Variants in SPMIP2 observed in about 807,000 individuals in gnomAD.
SPMIP2 encodes the protein sperm microtubule inner protein 2.
chr4:158,991,858 TTTTTTAA>T, the SPMIP2 span, among the ~76,000 whole-genome samples: 1 of 152,216 alleles, frequency 6.6e-6, no homozygotes, highest in Non-Finnish European at 1.5e-5. Context: ...AAGCCAGTTT[TTTTTTAA>T]TTTTATTTTA....
the SPMIP2 span, among the ~76,000 whole-genome samples, chr4:158,954,445 T>A: frequency 1.1e-4 from 16 of 152,194 alleles, no homozygotes; most frequent in African/African-American, 3.9e-4. Flanking sequence ...CAGCCTCAAG[T>A]ATGTCTTTAT....
the SPMIP2 span, among the ~76,000 whole-genome samples, chr4:158,986,686 A>C: frequency 1.3e-5 from 2 of 152,200 alleles, no homozygotes; most frequent in Non-Finnish European, 2.9e-5. Flanking sequence ...CCCTAGAAGA[A>C]AACCTAGGCA....
the SPMIP2 span, among the ~76,000 whole-genome samples, chr4:158,921,047 G>A: frequency 3.3e-5 from 5 of 152,180 alleles, no homozygotes; most frequent in African/African-American, 1.2e-4. Context: ...GACACTTATG[G>A]AAAAATAGAA....
the SPMIP2 span, among the ~76,000 whole-genome samples, chr4:159,014,812 G>A: frequency 6.6e-6 from 1 of 150,788 alleles, no homozygotes; most frequent in Non-Finnish European, 1.5e-5. Flanking sequence ...CATAGCTGAC[G>A]AGCTAAAAAA....
At chr4:158,898,447 A>G in the SPMIP2 span, among the ~76,000 whole-genome samples, 2 of 152,270 alleles carry the variant, frequency 1.3e-5, no homozygotes, top group East Asian at 3.9e-4. Flanking sequence ...CATTTTCACA[A>G]TATTGATTCT....
chr4:158,973,979 A>G, the SPMIP2 span, among the ~76,000 whole-genome samples: 1 of 75,592 alleles, frequency 1.3e-5, no homozygotes, highest in African/African-American at 6.3e-5. Context: ...GAGCAAGGCC[A>G]CCTCAAAAAA....
chr4:158,906,089 A>C, the SPMIP2 span: 1 of 152,166 alleles, frequency 6.6e-6, no homozygotes. Flanking sequence ...GATCTTTATC[A>C]TTTTATGTCA....
At chr4:159,027,112 T>C in the SPMIP2 span, among the ~76,000 whole-genome samples, 1 of 152,026 alleles carries the variant, frequency 6.6e-6, no homozygotes, top group Non-Finnish European at 1.5e-5. Flanking sequence ...CATGTAACAC[T>C]TATAGTTTTG....
chr4:158,978,439 T>A, the SPMIP2 span, among the ~76,000 whole-genome samples: 4 of 152,246 alleles, frequency 2.6e-5, no homozygotes, highest in African/African-American at 9.6e-5. Flanking sequence ...GTCTGCTTCA[T>A]CCAGAGCTGA....
At chr4:159,037,737 C>T in the SPMIP2 span, among the ~76,000 whole-genome samples, 1 of 151,386 alleles carries the variant, frequency 6.6e-6, no homozygotes, top group Non-Finnish European at 1.5e-5. Flanking sequence ...CATACCACTG[C>T]ACTCCAGCCT....
At chr4:158,952,344 G>A in the SPMIP2 span, among the ~76,000 whole-genome samples, 3 of 152,180 alleles carry the variant, frequency 2.0e-5, no homozygotes, top group Non-Finnish European at 4.4e-5. Flanking sequence ...TTTGAATCAT[G>A]GGGGTGGTTT....
the SPMIP2 span, among the ~76,000 whole-genome samples, chr4:159,011,359 G>C: frequency 6.6e-6 from 1 of 152,172 alleles, no homozygotes; most frequent in Non-Finnish European, 1.5e-5. Context: ...CATGATCTGG[G>C]ATTAATTGAA....
chr4:159,070,280 G>A, the SPMIP2 span, among the ~76,000 whole-genome samples: 1 of 152,342 alleles, frequency 6.6e-6, no homozygotes, highest in African/African-American at 2.4e-5. Flanking sequence ...ATACAGTGAA[G>A]TCAGAAAATC....
chr4:158,902,264 T>G, the SPMIP2 span, among the ~76,000 whole-genome samples: 5 of 152,056 alleles, frequency 3.3e-5, no homozygotes, highest in Admixed American at 2.0e-4. Flanking sequence ...TCTGCTGTGG[T>G]TTGTTGGAGG....
chr4:158,893,486 A>G, the SPMIP2 span: 2 of 520,274 alleles, frequency 3.8e-6, no homozygotes, highest in Non-Finnish European at 3.5e-6. Context: ...AGTCAATAAC[A>G]ATTAGTTTCA....
chr4:158,937,055 A>T, the SPMIP2 span, among the ~76,000 whole-genome samples: 2 of 152,244 alleles, frequency 1.3e-5, no homozygotes, highest in African/African-American at 2.4e-5. Context: ...CCAATGCTAC[A>T]GGTCCGTTTT....
the SPMIP2 span, among the ~76,000 whole-genome samples, chr4:158,941,116 G>GA: frequency 3.4e-3 from 510 of 150,812 alleles, 2 homozygotes; most frequent in Non-Finnish European, 4.5e-3. Context: ...AATAGCGCCA[G>GA]AAAAAAAAAT....
the SPMIP2 span, among the ~76,000 whole-genome samples, chr4:159,006,205 C>T: frequency 6.6e-6 from 1 of 152,188 alleles, no homozygotes; most frequent in African/African-American, 2.4e-5. Flanking sequence ...ATAATTATAA[C>T]TGTGGCTCAT....
the SPMIP2 span, among the ~76,000 whole-genome samples, chr4:158,935,065 A>C: frequency 6.6e-6 from 1 of 152,206 alleles, no homozygotes; most frequent in African/African-American, 2.4e-5. Context: ...TTTAGTGTGG[A>C]GTTTAAAACA....
Sources: allele counts gnomAD v4.1 joint callset (sites outside exome capture counted in the v4.1 genomes callset), GRCh38; gene constraint gnomAD v4.1.1; transcripts MANE v1.5; gene names NCBI Gene and HGNC (gene_info 2026-07-23, HGNC 2026-07-21).